The following ZNF18 variants were observed in gnomAD, a reference collection of about 807,000 sequenced individuals.
The protein encoded by ZNF18 is zinc finger protein 18.
In ZNF18, 42 loss-of-function variants were observed where a neutral mutation model predicts 58.1. The ratio of observed to expected loss-of-function variants is 0.72; its 90% CI spans 0.56 to 0.93. The LOEUF (loss-of-function observed/expected upper bound fraction) is 0.93. Among genes scored for constraint, ZNF18 ranks in the 40% least tolerant of loss-of-function variants. The pLI is 0.00. For synonymous variants in ZNF18, 231 were observed against 239.8 expected, an observed-to-expected ratio of 0.96 and a Z score of 0.34; for missense variants, 540 against 644.2, an observed-to-expected ratio of 0.84 and a Z score of 1.75.
At chr17:11,984,045 G>A in intron 5 of ZNF18, 68 bp downstream of exon 5, 1 of 1,429,506 alleles carries the variant, frequency 7.0e-7, no homozygotes, top group Non-Finnish European at 9.7e-7. Flanking sequence ...CTCTATAAGT[G>A]CATGGAAAAT....
chr17:12,014,045 C>T, the ZNF18 span, among the ~76,000 whole-genome samples: 4 of 152,152 alleles, frequency 2.6e-5, no homozygotes, highest in African/African-American at 7.2e-5. Flanking sequence ...AATATAATGT[C>T]GGCCAATGTC....
intron 6 of ZNF18, among the ~76,000 whole-genome samples, chr17:11,979,847 G>T (rs115930069): frequency 0.011 from 1,640 of 152,146 alleles, 33 homozygotes; most frequent in African/African-American, 0.038. Flanking sequence ...GTACTTTCTC[G>T]TGTTTTTAAA....
At chr17:11,993,060 T>C (rs1260675940) in intron 1 of ZNF18, 149 bp from the exon 2 acceptor site, 1 of 529,180 alleles carries the variant, frequency 1.9e-6, no homozygotes. Flanking sequence ...TTTTGAAAGA[T>C]TATAAACTTG....
the ZNF18 span, among the ~76,000 whole-genome samples, chr17:12,005,026 T>C: frequency 6.6e-6 from 1 of 151,194 alleles, no homozygotes; most frequent in Non-Finnish European, 1.5e-5. Flanking sequence ...TAAATATATA[T>C]TTATACACAC....
intron 6 of ZNF18, among the ~76,000 whole-genome samples, chr17:11,981,732 C>T (rs116072001): frequency 0.011 from 1,635 of 152,074 alleles, 32 homozygotes; most frequent in African/African-American, 0.038. Flanking sequence ...GAAATCTCTG[C>T]AGCTTCCATT....
chr17:12,013,641 T>C, the ZNF18 span, among the ~76,000 whole-genome samples: 1 of 152,244 alleles, frequency 6.6e-6, no homozygotes, highest in African/African-American at 2.4e-5. Flanking sequence ...TTTAGGTTTT[T>C]TCATTCTTAT....
At chr17:12,018,259 CT>C in the ZNF18 span, among the ~76,000 whole-genome samples, 2 of 152,308 alleles carry the variant, frequency 1.3e-5, no homozygotes, top group South Asian at 4.1e-4. Context: ...AAAAGGTTAA[CT>C]TTTTTTAAGC....
At chr17:12,007,621 T>A in the ZNF18 span, among the ~76,000 whole-genome samples, 81 of 152,272 alleles carry the variant, frequency 5.3e-4, no homozygotes, top group African/African-American at 1.5e-3. Flanking sequence ...AAGCCAGGAC[T>A]CCTGAAAATC....
At chr17:12,003,573 A>T in the ZNF18 span, among the ~76,000 whole-genome samples, 1 of 152,216 alleles carries the variant, frequency 6.6e-6, no homozygotes, top group Non-Finnish European at 1.5e-5. Flanking sequence ...AAAAGTATAT[A>T]TGGTGGATAA....
chr17:11,979,535 G>GT (rs1027378398), intron 6 of ZNF18, among the ~76,000 whole-genome samples: 1 of 152,110 alleles, frequency 6.6e-6, no homozygotes, highest in Non-Finnish European at 1.5e-5. Flanking sequence ...CTGGAAGTTT[G>GT]TTTTTCTCAT....
the ZNF18 span, among the ~76,000 whole-genome samples, chr17:12,012,948 T>C: frequency 4.1e-5 from 4 of 97,596 alleles, no homozygotes; most frequent in African/African-American, 1.6e-4. Context: ...CATGTTGATT[T>C]GTAGGAATTT....
Position 11,978,217 on chromosome 17 carries a change from AG to A in ZNF18, c.1389del (p.Cys464ValfsTer80). The A allele has an allele frequency of 6.2e-7, 1 of 1,614,152 alleles. No individual in the cohort carries two copies. Among genetic ancestry groups the A allele is most frequent in the African/African-American group, 1.3e-5 (1 of 75,066 alleles). On this transcript the variant is annotated frameshift_variant, in exon 7 of 7. Transcript: ENST00000580306. LOFTEE classifies it high-confidence loss of function. The part of the protein sequence containing the change: ...KHQRTHTGEK[P>X]CKCDYCGKGF... ...CCTTTCCCACAGTAATCACATTTAC[AG>A]GGCTTCTCTCCCGTGTGAGTTCTCT...
intron 6 of ZNF18, among the ~76,000 whole-genome samples, chr17:11,981,860 G>A (rs1335694881): frequency 6.6e-6 from 1 of 152,028 alleles, no homozygotes; most frequent in Non-Finnish European, 1.5e-5. Context: ...CCCACTATAA[G>A]TTCTATGGAC....
upstream of ZNF18, chr17:12,002,163 A>T (rs1165154391): frequency 6.6e-6 from 1 of 152,160 alleles, no homozygotes; most frequent in Non-Finnish European, 1.5e-5. Flanking sequence ...GCACTGTGGG[A>T]GGCCAAGGTG....
the ZNF18 span, chr17:12,020,868 CG>C: frequency 8.8e-7 from 1 of 1,138,852 alleles, no homozygotes; most frequent in Non-Finnish European, 1.1e-6. Flanking sequence ...CGGCGCCGCT[CG>C]GCTCTTCACT....
chr17:11,982,665 T>TGTGTGA (rs1967442578), intron 6 of ZNF18, among the ~76,000 whole-genome samples: 1 of 135,988 alleles, frequency 7.4e-6, no homozygotes, highest in Non-Finnish European at 1.5e-5. Context: ...AAAGTGTGTG[T>TGTGTGA]GTGTGTGTGT....
chr17:11,977,892 T>A lies in ZNF18; in HGVS notation c.*65A>T. ...TCCTCTTAGACACAATTCCTCTTGA[T>A]GGAGCTGAGTATTTTTGTGACTGGG... On this transcript the variant is annotated 3_prime_UTR_variant, in exon 7 of 7. Coordinates refer to ENST00000580306, the MANE Select transcript of ZNF18 (RefSeq NM_001303281.2). 1 of 1,502,272 alleles carries A rather than the reference T, an allele frequency of 6.7e-7. No homozygotes were observed. Among genetic ancestry groups the A allele is most frequent in the African/African-American group, 1.4e-5 (1 of 71,406 alleles). The allele number at this position is 1,502,272 out of a possible 1,614,324, so 93.1% of individuals were successfully genotyped here.
At chr17:12,021,338 C>T in the ZNF18 span, 22 of 166,482 alleles carry the variant, frequency 1.3e-4, no homozygotes, top group Middle Eastern at 9.9e-3. Context: ...GCCCGCCCGG[C>T]CCCCGTTTCC....
chr17:11,981,710 G>C (rs1283093237), intron 6 of ZNF18, among the ~76,000 whole-genome samples: 2 of 151,916 alleles, frequency 1.3e-5, no homozygotes, highest in South Asian at 2.1e-4. Context: ...CAGACTACTA[G>C]GAGCTATATG....
Sources: allele counts gnomAD v4.1 joint callset (sites outside exome capture counted in the v4.1 genomes callset), GRCh38; gene constraint gnomAD v4.1.1; transcripts MANE v1.5; gene names NCBI Gene and HGNC (gene_info 2026-07-23, HGNC 2026-07-21).